Variants in EGFR observed in about 807,000 individuals in gnomAD.
EGFR encodes epidermal growth factor receptor.
A neutral mutation model predicts 143.0 loss-of-function variants in EGFR; 58 were observed. The observed-to-expected ratio is 0.41, with a 90% CI of 0.33 to 0.50. EGFR has a LOEUF of 0.50. Ranked by LOEUF, EGFR falls within the 20% of genes least tolerant of loss-of-function variation. The probability of loss-of-function intolerance (pLI) is 0.39; values close to 1 mark genes in which losing one functional copy is unlikely to be tolerated. For synonymous variants in EGFR, 613 were observed against 594.4 expected (o/e 1.03, Z -0.45); for missense variants, 1,307 against 1,579.0 (o/e 0.83, Z 2.92).
intron 1 of EGFR, among the ~76,000 whole-genome samples, chr7:55,076,457 T>C (rs1562693151): frequency 1.3e-5 from 2 of 152,154 alleles, no homozygotes. Flanking sequence ...ACTTTAATGA[T>C]TACAATTTTT....
At chr7:55,170,807 C>T in intron 15 of EGFR, 1 of 1,423,152 alleles carries the variant, frequency 7.0e-7, no homozygotes, top group Non-Finnish European at 9.1e-7. Flanking sequence ...TAGCATGGCC[C>T]CAGTCCATGC....
rs17336821 is a variant in EGFR at position 55,162,353 on chromosome 7, T to A, written c.1631+722T>A. Among the ~76,000 whole-genome samples, 1,246 of 152,354 alleles carry A rather than the reference T, an allele frequency of 8.2e-3. 23 individuals are homozygous for A. The highest frequency in any genetic ancestry group is 0.028 in the African/African-American group (1,166 of 41,578). ...TAGGAATTACAGATGGCTGTAGGAATTCTTCCTGTTTTACTCTCTGGGCAT... is the reference window on the plus strand; with the variant it reads ...TAGGAATTACAGATGGCTGTAGGAAATCTTCCTGTTTTACTCTCTGGGCAT... On this transcript the variant is annotated intron_variant, in intron 13 of 27. Transcript: ENST00000275493.
intron 1 of EGFR, among the ~76,000 whole-genome samples, chr7:55,087,818 C>T (rs1200607680): frequency 6.6e-6 from 1 of 152,142 alleles, no homozygotes; most frequent in African/African-American, 2.4e-5. Flanking sequence ...GGGAGAGGCA[C>T]CCCGGAACCA....
At chr7:55,176,727 TATAA>T (rs906538582) in intron 19 of EGFR, among the ~76,000 whole-genome samples, 2 of 150,396 alleles carry the variant, frequency 1.3e-5, no homozygotes, top group Non-Finnish European at 3.0e-5. Flanking sequence ...AATAGTTAGA[TATAA>T]ATATTAATAT....
In EGFR at chr7:55,198,780, A is replaced by T. The variant is rs773998239; in HGVS notation, c.2765A>T (p.Glu922Val). Residue 922 changes from glutamate (E) to valine (V), a missense_variant, in exon 23 of 28, where the codon GAG becomes GTG. Physicochemically the swap from Glu to Val is moderately radical, Grantham distance 121. Coordinates refer to ENST00000275493, the MANE Select transcript of EGFR (RefSeq NM_005228.5). ...CCATATGACGGAATCCCTGCCAGCG[A>T]GATCTCCTCCATCCTGGAGAAAGGA... ...SKPYDGIPAS[E>V]ISSILEKGER... is the part of the protein sequence containing the mutation. 1.2e-6 allele frequency: 2 copies of T among 1,614,232 alleles called. No homozygotes were observed. Among genetic ancestry groups the T allele is most frequent in the Non-Finnish European group, 1.7e-6 (2 of 1,180,040 alleles).
chr7:55,113,438 G>A (rs770134591), intron 1 of EGFR, among the ~76,000 whole-genome samples: 29 of 152,196 alleles, frequency 1.9e-4, no homozygotes, highest in Admixed American at 1.2e-3. Flanking sequence ...GAAAACACCT[G>A]ACAGCAATTC....
chr7:55,084,402 C>T (rs1331306940), intron 1 of EGFR, among the ~76,000 whole-genome samples: 1 of 152,022 alleles, frequency 6.6e-6, no homozygotes. Flanking sequence ...AGGGCTCAGT[C>T]CATTCTTCAT....
At chr7:55,020,829 G>A (rs1373532021) in intron 1 of EGFR, among the ~76,000 whole-genome samples, 1 of 151,852 alleles carries the variant, frequency 6.6e-6, no homozygotes, top group Non-Finnish European at 1.5e-5. Context: ...TGGGGGAGGG[G>A]CAAGGCATAG....
intron 20 of EGFR, among the ~76,000 whole-genome samples, chr7:55,183,067 T>A (rs1786965705): frequency 6.6e-6 from 1 of 152,162 alleles, no homozygotes; most frequent in African/African-American, 2.4e-5. Context: ...CTGAGGAGGA[T>A]CCTTCCTGCC....
chr7:55,147,638 T>A (rs1192433771), intron 4 of EGFR, among the ~76,000 whole-genome samples: 2 of 152,382 alleles, frequency 1.3e-5, no homozygotes, highest in East Asian at 3.9e-4. Context: ...AATACAAGAT[T>A]TTCCATCTTA....
intron 1 of EGFR, among the ~76,000 whole-genome samples, chr7:55,132,255 T>A (rs1374332506): frequency 6.6e-6 from 1 of 152,206 alleles, no homozygotes; most frequent in African/African-American, 2.4e-5. Context: ...AAACAAAATC[T>A]CTCTGCAGAT....
intron 3 of EGFR, among the ~76,000 whole-genome samples, chr7:55,146,010 T>G (rs76102372): frequency 3.5e-3 from 537 of 152,346 alleles, no homozygotes; most frequent in Non-Finnish European, 5.0e-3. Context: ...TCCCTGACTT[T>G]TCCACATCTT....
At chr7:55,117,354 A>G (rs1452298283) in intron 1 of EGFR, among the ~76,000 whole-genome samples, 1 of 152,162 alleles carries the variant, frequency 6.6e-6, no homozygotes, top group Non-Finnish European at 1.5e-5. Flanking sequence ...AATGAAAGAC[A>G]TAGCAGTCTA....
At chr7:55,041,228 C>G (rs1787879399) in intron 1 of EGFR, among the ~76,000 whole-genome samples, 1 of 152,178 alleles carries the variant, frequency 6.6e-6, no homozygotes, top group Non-Finnish European at 1.5e-5. Context: ...GCCTGGCCAA[C>G]ATGGCAAAAC....
chr7:55,183,472 A>G (rs1786987107), intron 20 of EGFR, among the ~76,000 whole-genome samples: 1 of 152,208 alleles, frequency 6.6e-6, no homozygotes, highest in African/African-American at 2.4e-5. Context: ...CCATTTCCAA[A>G]TAAGGTCACA....
intron 21 of EGFR, 128 bp from the exon 22 acceptor site, chr7:55,192,638 G>A (rs1787449146): frequency 2.4e-6 from 2 of 835,892 alleles, no homozygotes; most frequent in Non-Finnish European, 4.0e-6. Context: ...CCGGGCCTGG[G>A]GGACGGGTCC....
intron 4 of EGFR, 88 bp downstream of exon 4, chr7:55,146,828 AG>A: frequency 1.9e-6 from 3 of 1,565,372 alleles, no homozygotes; most frequent in Non-Finnish European, 2.6e-6. Flanking sequence ...AGCCATGTTT[AG>A]TAAGTCACAT....
chr7:55,101,227 G>A (rs1020448859), intron 1 of EGFR, among the ~76,000 whole-genome samples: 103 of 152,320 alleles, frequency 6.8e-4, no homozygotes, highest in African/African-American at 2.4e-3. Flanking sequence ...TGCGTCACTG[G>A]GCTTTGGGAC....
intron 1 of EGFR, among the ~76,000 whole-genome samples, chr7:55,101,130 T>C (rs1298917955): frequency 2.0e-5 from 3 of 152,198 alleles, no homozygotes; most frequent in Non-Finnish European, 2.9e-5. Flanking sequence ...GGCTGCCAGA[T>C]GTGAACAAGG....
Sources: allele counts gnomAD v4.1 joint callset (sites outside exome capture counted in the v4.1 genomes callset), GRCh38; gene constraint gnomAD v4.1.1; transcripts MANE v1.5; gene names NCBI Gene and HGNC (gene_info 2026-07-23, HGNC 2026-07-21).